The following ATG4A variants were observed in gnomAD, a reference collection of about 807,000 sequenced individuals.
The protein encoded by ATG4A is cysteine protease ATG4A.
In ATG4A, 22 loss-of-function variants were observed where a neutral mutation model predicts 38.4. The observed-to-expected ratio is 0.57, with a 90% CI of 0.41 to 0.82. The LOEUF (loss-of-function observed/expected upper bound fraction) is 0.82. ATG4A is among the 40% of genes least tolerant of loss of function. The pLI, the probability that ATG4A is intolerant of heterozygous loss-of-function variation, is 0.00. For missense variants in ATG4A, 220 were observed against 290.0 expected, an observed-to-expected ratio of 0.76 and a Z score of 1.75; for synonymous variants, 86 against 100.7, an observed-to-expected ratio of 0.85 and a Z score of 0.88.
intron 1 of ATG4A, among the ~76,000 whole-genome samples, chrX:108,100,520 G>C (rs1276825343): frequency 1.8e-5 from 2 of 111,196 alleles, no homozygotes; most frequent in African/African-American, 6.5e-5. Context: ...CAGTCTTAGG[G>C]AAGAAGAGGT....
At chrX:108,117,637 T>C (rs1361474613) in intron 1 of ATG4A, among the ~76,000 whole-genome samples, 2 of 111,933 alleles carry the variant, frequency 1.8e-5, no homozygotes, top group Non-Finnish European at 3.8e-5. Context: ...AAGTGCCACG[T>C]TGATGAGTTT....
chrX:108,111,706 G>A (rs188392957), intron 1 of ATG4A, among the ~76,000 whole-genome samples: 1 of 111,937 alleles, frequency 8.9e-6, no homozygotes, highest in Non-Finnish European at 1.9e-5. Flanking sequence ...CACTCATCGT[G>A]TCTCACCAAG....
intron 1 of ATG4A, among the ~76,000 whole-genome samples, chrX:108,105,756 C>A (rs755419188): frequency 1.3e-4 from 15 of 111,367 alleles, no homozygotes; most frequent in African/African-American, 4.6e-4. Context: ...ATAGAAACCT[C>A]TTCCTGGTTC....
intron 1 of ATG4A, among the ~76,000 whole-genome samples, chrX:108,100,362 A>AT (rs748998746): frequency 1.8e-4 from 20 of 110,349 alleles, no homozygotes; most frequent in East Asian, 5.7e-4. Flanking sequence ...TATTTTTCTA[A>AT]TTTTTTTTCT....
At chrX:108,151,962 T>C (rs2033599777) in intron 11 of ATG4A, 104 bp downstream of exon 11, 3 of 733,265 alleles carry the variant, frequency 4.1e-6, no homozygotes, top group African/African-American at 4.2e-5. Context: ...CTGATACGAC[T>C]TTACTGCAAG....
chrX:108,152,058 A>T, intron 11 of ATG4A, 200 bp downstream of exon 11: 9 of 358,226 alleles, frequency 2.5e-5, no homozygotes, highest in Non-Finnish European at 4.4e-5. Context: ...TTTTGGTTTG[A>T]AATATGCTTA....
chrX:108,137,150 C>T lies in ATG4A; in HGVS notation c.527C>T (p.Thr176Ile), dbSNP rs747774203. ...SLAVYVSMDN[T>I]VVIEDIKKMC... ...GCTGTTTATGTTTCAATGGATAACA[C>T]AGTGGTCATTGAAGATATCAGTGAG... The change falls in exon 7 of 13, where the codon ACA becomes ATA. Residue 176 changes from threonine (T) to isoleucine (I), a missense_variant. Around this residue, in one of 3 missense-constraint regions of ATG4A, gnomAD observed 159 missense variants for 188.9 expected, o/e 0.84. Coordinates refer to ENST00000372232, the MANE Select transcript of ATG4A (RefSeq NM_052936.5). 3.3e-6 allele frequency: 4 copies of T among 1,204,803 alleles called. No homozygotes were observed. In the East Asian group the frequency reaches 1.2e-4, roughly 36 times the overall value.
intron 1 of ATG4A, among the ~76,000 whole-genome samples, chrX:108,115,449 C>T (rs1163143481): frequency 9.0e-6 from 1 of 111,495 alleles, no homozygotes; most frequent in African/African-American, 3.3e-5. Context: ...AAATGTAACA[C>T]CTGTTCTGAC....
At chrX:108,108,035 G>A (rs2032231469) in intron 1 of ATG4A, among the ~76,000 whole-genome samples, 1 of 110,893 alleles carries the variant, frequency 9.0e-6, no homozygotes, top group Non-Finnish European at 1.9e-5. Flanking sequence ...GTGGAGGGAG[G>A]AGTATAGTTT....
intron 11 of ATG4A, among the ~76,000 whole-genome samples, chrX:108,152,363 A>G (rs1480048677): frequency 2.7e-5 from 3 of 110,494 alleles, no homozygotes; most frequent in Non-Finnish European, 5.7e-5. Context: ...CCTCCCGAGT[A>G]GCTGGGATTA....
chrX:108,140,550 T>TAC (rs763518934), intron 9 of ATG4A, among the ~76,000 whole-genome samples: 4,427 of 102,852 alleles, frequency 0.043, 100 homozygotes, highest in East Asian at 0.091. Context: ...TACACATATA[T>TAC]ACACACACAC....
At chrX:108,136,771 T>A (rs1031226273) in intron 6 of ATG4A, among the ~76,000 whole-genome samples, 1 of 112,668 alleles carries the variant, frequency 8.9e-6, no homozygotes, top group Non-Finnish European at 1.9e-5. Context: ...CAAAGTCTCT[T>A]GGGACTTTGA....
chrX:108,124,744 A>G (rs1467496797), intron 1 of ATG4A, among the ~76,000 whole-genome samples: 2 of 112,307 alleles, frequency 1.8e-5, no homozygotes, highest in East Asian at 2.8e-4. Context: ...TTATATGATC[A>G]GAACAGACTC....
chrX:108,142,633 C>T (rs2033332818), intron 9 of ATG4A, among the ~76,000 whole-genome samples: 1 of 110,739 alleles, frequency 9.0e-6, no homozygotes, highest in Non-Finnish European at 1.9e-5. Flanking sequence ...AGTTCCAAAA[C>T]TGAAGAACTT....
chrX:108,128,221 G>C (rs757393081), intron 2 of ATG4A, among the ~76,000 whole-genome samples: 1 of 111,407 alleles, frequency 9.0e-6, no homozygotes. Flanking sequence ...CTGGGTTCAA[G>C]TGATCCTCAT....
In ATG4A at chrX:108,121,956, T is replaced by C. The variant is rs942224116; in HGVS notation, c.11-4121T>C. On this transcript the variant is annotated intron_variant, in intron 1 of 12. Coordinates refer to ENST00000372232, the MANE Select transcript of ATG4A (RefSeq NM_052936.5). ...AGATGTGATTTGATGTATGCATTGC[T>C]GAGAAGGCTGTTTTAGCACCAGCAG... is the stretch of plus-strand genomic sequence containing the variant. Among the ~76,000 whole-genome samples the C allele has an allele frequency of 1.4e-4, 16 of 112,420 alleles. 1 individual carries two copies. Among genetic ancestry groups the C allele is most frequent in the Admixed American group, 9.4e-5 (1 of 10,663 alleles).
intron 1 of ATG4A, among the ~76,000 whole-genome samples, chrX:108,111,504 TA>T (rs1261265925): frequency 8.9e-6 from 1 of 112,019 alleles, no homozygotes; most frequent in East Asian, 2.8e-4. Context: ...CAGTGACTCT[TA>T]ACCTGAGGCC....
chrX:108,140,791 CAT>C (rs1000581800), intron 9 of ATG4A, among the ~76,000 whole-genome samples: 1 of 96,318 alleles, frequency 1.0e-5, no homozygotes, highest in African/African-American at 3.8e-5. Flanking sequence ...AAATATATAA[CAT>C]AAATGTATAT....
At chrX:108,093,222 C>T (rs1445212878) in intron 1 of ATG4A, among the ~76,000 whole-genome samples, 1 of 111,921 alleles carries the variant, frequency 8.9e-6, no homozygotes, top group Non-Finnish European at 1.9e-5. Flanking sequence ...AATCAATCCT[C>T]TGTCCCATTC....
Sources: allele counts gnomAD v4.1 joint callset (sites outside exome capture counted in the v4.1 genomes callset), GRCh38; gene constraint gnomAD v4.1.1; regional missense constraint gnomAD v4.1.1; transcripts MANE v1.5; gene names NCBI Gene and HGNC (gene_info 2026-07-23, HGNC 2026-07-21).